Variants in COX10 observed in about 807,000 individuals in gnomAD.
COX10 encodes cytochrome c oxidase assembly factor heme A:farnesyltransferase COX10, also known as protoheme IX farnesyltransferase, mitochondrial.
In COX10, 27 loss-of-function variants were observed where a neutral mutation model predicts 37.3. The ratio of observed to expected loss-of-function variants is 0.72; its 90% CI spans 0.53 to 1.00. The LOEUF (loss-of-function observed/expected upper bound fraction) is 1.00, where lower values mean the gene tolerates loss of function less well. COX10 is among the 50% of genes least tolerant of loss of function. COX10 has a pLI of 0.00. For missense variants in COX10, 475 were observed against 563.2 expected (o/e 0.84, Z 1.59); for synonymous variants, 222 against 229.1 (o/e 0.97, Z 0.28).
At chr17:14,159,754 G>A (rs550210752) in intron 4 of COX10, 123 bp from the exon 5 acceptor site, 1 of 725,694 alleles carries the variant, frequency 1.4e-6, no homozygotes. Flanking sequence ...AAGTGCCAGG[G>A]TATTGATTTA....
chr17:14,108,209 G>T (rs2142204405), intron 4 of COX10, among the ~76,000 whole-genome samples: 1 of 152,228 alleles, frequency 6.6e-6, no homozygotes, highest in South Asian at 2.1e-4. Context: ...GGAGAAAGTA[G>T]CAATAAGTGT....
At chr17:14,106,014 T>A in intron 4 of COX10, among the ~76,000 whole-genome samples, 1 of 6,104 alleles carries the variant, frequency 1.6e-4, no homozygotes, top group East Asian at 0.014. Flanking sequence ...CATGTTTTTT[T>A]GTTTTTGTTT....
chr17:14,110,226 T>G (rs1052472306), intron 4 of COX10, among the ~76,000 whole-genome samples: 3 of 152,154 alleles, frequency 2.0e-5, no homozygotes, highest in African/African-American at 7.2e-5. Flanking sequence ...CTGGCAAACT[T>G]TAATATATGT....
chr17:14,162,439 G>A (rs966483696), intron 5 of COX10, among the ~76,000 whole-genome samples: 28 of 152,120 alleles, frequency 1.8e-4, no homozygotes, highest in Non-Finnish European at 2.9e-4. Flanking sequence ...CTGAACCAAA[G>A]ACACTTGCTG....
At chr17:14,106,350 A>G (rs1482259904) in intron 4 of COX10, among the ~76,000 whole-genome samples, 1 of 152,118 alleles carries the variant, frequency 6.6e-6, no homozygotes, top group Non-Finnish European at 1.5e-5. Flanking sequence ...GTATATGGAT[A>G]TACTTTGATT....
intron 4 of COX10, among the ~76,000 whole-genome samples, chr17:14,113,412 G>A (rs184712666): frequency 1.3e-5 from 2 of 152,082 alleles, no homozygotes; most frequent in Admixed American, 6.6e-5. Context: ...TTTGAAGTAG[G>A]ACATACAATG....
chr17:14,200,143 G>A (rs138731986), intron 6 of COX10, among the ~76,000 whole-genome samples: 61 of 152,270 alleles, frequency 4.0e-4, no homozygotes, highest in African/African-American at 1.3e-3. Flanking sequence ...AAAACAAGCC[G>A]AAACCGATGA....
At chr17:14,204,181 G>A (rs1445917869) in intron 6 of COX10, among the ~76,000 whole-genome samples, 3 of 152,094 alleles carry the variant, frequency 2.0e-5, no homozygotes, top group Non-Finnish European at 4.4e-5. Context: ...TTCACCTCAG[G>A]TAGGAAATGC....
chr17:14,169,320 A>G (rs1323730959), intron 5 of COX10, among the ~76,000 whole-genome samples: 1 of 152,190 alleles, frequency 6.6e-6, no homozygotes, highest in Non-Finnish European at 1.5e-5. Flanking sequence ...TATCACTATG[A>G]GCATTTTGGT....
chr17:14,166,297 TTGAGTTGAAGCCAG>T (rs981667166), intron 5 of COX10, among the ~76,000 whole-genome samples: 10 of 152,336 alleles, frequency 6.6e-5, no homozygotes, highest in Non-Finnish European at 1.2e-4. Flanking sequence ...GATGCTATCT[TTGAGTTGAAGCCAG>T]TGCTCATTTA....
intron 3 of COX10, among the ~76,000 whole-genome samples, chr17:14,089,883 G>A (rs7214259): frequency 0.16 from 24,832 of 152,016 alleles, 2,106 homozygotes; most frequent in Non-Finnish European, 0.19. Flanking sequence ...CTGTAGAACC[G>A]ATTCAACACT....
chr17:14,072,556 T>C (rs1049413941), intron 1 of COX10, among the ~76,000 whole-genome samples: 2 of 152,148 alleles, frequency 1.3e-5, no homozygotes, highest in African/African-American at 2.4e-5. Context: ...GGTTTCACCA[T>C]GTTGGTCAGG....
At chr17:14,180,203 G>C (rs1905814889) in intron 5 of COX10, among the ~76,000 whole-genome samples, 1 of 151,694 alleles carries the variant, frequency 6.6e-6, no homozygotes. Flanking sequence ...AGTTTCTAAG[G>C]GTTGTTATGA....
At chr17:14,103,602 T>C (rs1915832777) in intron 4 of COX10, among the ~76,000 whole-genome samples, 1 of 152,110 alleles carries the variant, frequency 6.6e-6, no homozygotes, top group South Asian at 2.1e-4. Flanking sequence ...CTCCTAAATA[T>C]TATAAAAAAT....
chr17:14,190,821 C>G (rs1454408828), intron 5 of COX10, among the ~76,000 whole-genome samples: 1 of 152,098 alleles, frequency 6.6e-6, no homozygotes, highest in Non-Finnish European at 1.5e-5. Flanking sequence ...GATACAGGCC[C>G]TCTCTCCTGC....
chr17:14,207,093 C>T lies in COX10; in HGVS notation c.1212C>T (p.Asp404=). 6.2e-7 allele frequency: 1 copy of T among 1,614,050 alleles called. No homozygotes were observed. Among genetic ancestry groups the T allele is most frequent in the Middle Eastern group, 1.6e-4 (1 of 6,062 alleles). ...GCTTCCGCTTCTACGTGGACGCAGA[C>T]CGCAGGAGCTCGCGGAGACTGTTCT... ...YLGFRFYVDA[D]RRSSRRLFFC... The change falls in exon 7 of 7, where the codon GAC becomes GAT. Residue 404 remains aspartate (D), a synonymous_variant. Coordinates refer to ENST00000261643, the MANE Select transcript of COX10 (RefSeq NM_001303.4).
At chr17:14,153,525 G>T (rs997018542) in intron 4 of COX10, among the ~76,000 whole-genome samples, 2 of 152,162 alleles carry the variant, frequency 1.3e-5, no homozygotes, top group Non-Finnish European at 2.9e-5. Flanking sequence ...TGATCACAGG[G>T]TCATTGCTGG....
chr17:14,167,366 T>G (rs1167165620), intron 5 of COX10, among the ~76,000 whole-genome samples: 1 of 152,210 alleles, frequency 6.6e-6, no homozygotes. Context: ...ATTTAAAATT[T>G]TATATTAACT....
At chr17:14,131,684 A>G (rs950170180) in intron 4 of COX10, among the ~76,000 whole-genome samples, 3 of 152,006 alleles carry the variant, frequency 2.0e-5, no homozygotes, top group Non-Finnish European at 4.4e-5. Flanking sequence ...ATATTACAGG[A>G]CACATTTTCC....
Sources: allele counts gnomAD v4.1 joint callset (sites outside exome capture counted in the v4.1 genomes callset), GRCh38; gene constraint gnomAD v4.1.1; transcripts MANE v1.5; gene names NCBI Gene and HGNC (gene_info 2026-07-23, HGNC 2026-07-21).